MED12L: variants seen among roughly 807,000 people sequenced by gnomAD.
The protein encoded by MED12L is mediator of RNA polymerase II transcription subunit 12-like protein.
In MED12L, 60 loss-of-function variants were observed where a neutral mutation model predicts 281.3. That is an observed-to-expected ratio of 0.21 (90% confidence interval 0.17 to 0.26). The LOEUF (loss-of-function observed/expected upper bound fraction) is 0.26. Ranked by LOEUF, MED12L falls within the 10% of genes least tolerant of loss-of-function variation. The pLI is 1.00. For synonymous variants in MED12L, 974 were observed against 987.2 expected, an observed-to-expected ratio of 0.99 and a Z score of 0.25; for missense variants, 2,146 against 2,680.9, an observed-to-expected ratio of 0.80 and a Z score of 4.41.
At chr3:151,177,992 A>G (rs1164697004) in intron 11 of MED12L, among the ~76,000 whole-genome samples, 2 of 151,478 alleles carry the variant, frequency 1.3e-5, no homozygotes, top group African/African-American at 4.9e-5. Flanking sequence ...TATGTATCTC[A>G]TTCACCTGTT....
chr3:151,323,945 AC>A (rs2149835570), intron 16 of MED12L, among the ~76,000 whole-genome samples: 1 of 152,258 alleles, frequency 6.6e-6, no homozygotes, highest in East Asian at 1.9e-4. Flanking sequence ...TCGTGTTGAG[AC>A]TTCTCTCTTC....
chr3:151,403,573 G>A (rs1715949995), intron 39 of MED12L, among the ~76,000 whole-genome samples: 1 of 152,196 alleles, frequency 6.6e-6, no homozygotes, highest in African/African-American at 2.4e-5. Context: ...TCTTGTGCAT[G>A]CATGTCATAA....
At chr3:151,113,529 G>A (rs953043596) in intron 2 of MED12L, among the ~76,000 whole-genome samples, 1 of 152,222 alleles carries the variant, frequency 6.6e-6, no homozygotes, top group Non-Finnish European at 1.5e-5. Context: ...CCTTCAGGGG[G>A]CAAGGGGAGA....
chr3:151,228,690 T>C (rs1293516338), intron 16 of MED12L, among the ~76,000 whole-genome samples: 4 of 152,068 alleles, frequency 2.6e-5, no homozygotes, highest in Non-Finnish European at 5.9e-5. Context: ...AGTGTTTCAG[T>C]TCTAATTTAC....
chr3:151,281,928 C>T (rs1315982415), intron 16 of MED12L, among the ~76,000 whole-genome samples: 1 of 152,180 alleles, frequency 6.6e-6, no homozygotes, highest in Non-Finnish European at 1.5e-5. Flanking sequence ...AGTTTCTATC[C>T]AGGCCGTCAT....
In MED12L at chr3:151,190,745, G is replaced by T; in HGVS notation, c.1782G>T (p.Val594=). The T allele has an allele frequency of 6.2e-7, 1 of 1,614,148 alleles. No homozygotes were observed. Among genetic ancestry groups the T allele is most frequent in the Non-Finnish European group, 8.5e-7 (1 of 1,180,034 alleles). Residue 594 remains valine (V), a synonymous_variant, in exon 14 of 45, where the codon GTG becomes GTT. Transcript: ENST00000687756. ...LSDPNSECEK[V]EFVNLVLLFC... is the part of the protein sequence containing the mutation. ...ACCCAAACAGTGAATGTGAAAAGGT[G>T]GAATTTGTGAACCTGGTGCTGCTCT...
chr3:151,283,929 G>A (rs188294856), intron 16 of MED12L, among the ~76,000 whole-genome samples: 44 of 152,284 alleles, frequency 2.9e-4, no homozygotes, highest in Admixed American at 2.3e-3. Flanking sequence ...ACTTAGGACA[G>A]GTAACTAAGA....
At chr3:151,349,307 T>C (rs1418213494) in intron 16 of MED12L, among the ~76,000 whole-genome samples, 1 of 152,196 alleles carries the variant, frequency 6.6e-6, no homozygotes, top group Non-Finnish European at 1.5e-5. Flanking sequence ...GGAGAGGTGG[T>C]CCAGAAGGGA....
In MED12L at chr3:151,434,724, T is replaced by C. The variant is rs923751292; in HGVS notation, c.*1920T>C. On this transcript the variant is annotated 3_prime_UTR_variant, in exon 45 of 45. Transcript: ENST00000687756. Reference sequence around the variant, plus strand: ...TTCCATCATTATTTCTTTCCAAATTTCTTTGCCAGTTCAGTTTGAACCATA... The same window carrying C: ...TTCCATCATTATTTCTTTCCAAATTCCTTTGCCAGTTCAGTTTGAACCATA... 2.0e-5 allele frequency: 3 copies of C among 152,226 alleles called. No individual in the cohort carries two copies. The highest frequency in any genetic ancestry group is 7.2e-5 in the African/African-American group (3 of 41,462). The allele number at this position is 152,226 out of a possible 1,614,324, so 9.4% of individuals were successfully genotyped here.
chr3:151,245,834 C>T (rs1219415664), intron 16 of MED12L, among the ~76,000 whole-genome samples: 1 of 150,854 alleles, frequency 6.6e-6, no homozygotes, highest in Admixed American at 6.6e-5. Context: ...CAAATTGTCC[C>T]TGTTTGCAGA....
At chr3:151,424,512 G>A (rs1367715652) in intron 43 of MED12L, among the ~76,000 whole-genome samples, 1 of 152,104 alleles carries the variant, frequency 6.6e-6, no homozygotes, top group Non-Finnish European at 1.5e-5. Flanking sequence ...CCAGCTACCC[G>A]GGAGGCTGAG....
chr3:151,348,514 G>C (rs1365116744), intron 16 of MED12L, among the ~76,000 whole-genome samples: 1 of 151,858 alleles, frequency 6.6e-6, no homozygotes. Context: ...TGAAAATTTG[G>C]GAGAGGTACT....
At chr3:151,393,525 A>G (rs1714570978) in intron 38 of MED12L, among the ~76,000 whole-genome samples, 1 of 145,620 alleles carries the variant, frequency 6.9e-6, no homozygotes, top group Non-Finnish European at 1.5e-5. Context: ...CCCACCGTAA[A>G]GATAAGCTGT....
chr3:151,424,245 G>C (rs1718596617), intron 43 of MED12L, among the ~76,000 whole-genome samples: 1 of 152,102 alleles, frequency 6.6e-6, no homozygotes, highest in Admixed American at 6.5e-5. Flanking sequence ...AAGAGGTTGG[G>C]GAAGAAATAT....
At chr3:151,192,399 G>T in intron 14 of MED12L, 151 bp from the exon 15 acceptor site, 1 of 625,278 alleles carries the variant, frequency 1.6e-6, no homozygotes, top group Non-Finnish European at 2.8e-6. Context: ...AGCAAGGCAT[G>T]CCTTAAAGCT....
chr3:151,299,951 G>A (rs999175661), intron 16 of MED12L: 3 of 754,834 alleles, frequency 4.0e-6, no homozygotes, highest in Non-Finnish European at 7.3e-6. Flanking sequence ...AAAGCTAAAT[G>A]CTGGTTTATT....
chr3:151,194,939 C>T (rs560143998), intron 16 of MED12L, among the ~76,000 whole-genome samples: 249 of 152,080 alleles, frequency 1.6e-3, no homozygotes, highest in Middle Eastern at 6.8e-3. Flanking sequence ...CCGAGGTGGG[C>T]GGATCACGAG....
Position 151,376,165 on chromosome 3 carries a change from G to A in MED12L, c.4004G>A (p.Cys1335Tyr). 6.2e-7 allele frequency: 1 copy of A among 1,607,402 alleles called. No individual in the cohort carries two copies. ...TGTTATCCTCATGGCATTAAAGAAT[G>A]TACCGAGGGGGACAATCTGCAAAGA... is the stretch of plus-strand genomic sequence containing the variant. ...LICYPHGIKE[C>Y]TEGDNLQRQH... Residue 1335 changes from cysteine to tyrosine, a missense_variant, in exon 28 of 45, where the codon TGT (cysteine) becomes TAT (tyrosine). Physicochemically the swap from Cys to Tyr is radical, Grantham distance 194. Around this residue, in one of 9 missense-constraint regions of MED12L, gnomAD observed 235 missense variants for 260.3 expected, o/e 0.90. Coordinates refer to ENST00000687756, the MANE Select transcript of MED12L (RefSeq NM_001393769.1).
At chr3:151,199,118 G>A in intron 16 of MED12L, 2 of 1,614,010 alleles carry the variant, frequency 1.2e-6, no homozygotes, top group Non-Finnish European at 1.7e-6. Flanking sequence ...GAGGCAGGCT[G>A]TTACTTGGCA....
Sources: allele counts gnomAD v4.1 joint callset (sites outside exome capture counted in the v4.1 genomes callset), GRCh38; gene constraint gnomAD v4.1.1; regional missense constraint gnomAD v4.1.1; transcripts MANE v1.5; gene names NCBI Gene and HGNC (gene_info 2026-07-23, HGNC 2026-07-21).